PCNX2: variants seen among roughly 807,000 people sequenced by gnomAD.
The protein encoded by PCNX2 is pecanex 2.
A neutral mutation model predicts 223.8 loss-of-function variants in PCNX2; 168 were observed. The ratio of observed to expected loss-of-function variants is 0.75; its 90% CI spans 0.66 to 0.85. The LOEUF is 0.85. PCNX2 is among the 40% of genes least tolerant of loss of function. The pLI, the probability that PCNX2 is intolerant of heterozygous loss-of-function variation, is 0.00. For missense variants in PCNX2, 2,507 were observed against 2,675.5 expected, an observed-to-expected ratio of 0.94 and a Z score of 1.39; for synonymous variants, 1,006 against 1,052.6, an observed-to-expected ratio of 0.96 and a Z score of 0.86.
rs562669315 is a variant in PCNX2, at chr1:233,086,585, G to A, written c.4076+3476C>T. Among the ~76,000 whole-genome samples, 24 of 152,108 alleles carry A rather than the reference G, an allele frequency of 1.6e-4. No homozygotes were observed. In the South Asian group the frequency reaches 4.8e-3, roughly 30 times the overall value. On this transcript the variant is annotated intron_variant, in intron 23 of 33. Coordinates refer to ENST00000258229, the MANE Select transcript of PCNX2 (RefSeq NM_014801.4). ...ACTCGGGAGGCTGAGGCAGGAGAAT[G>A]GCGTGAACCTGGGAGGCGGAGCTTG...
At chr1:233,287,849 G>T (rs1250021217) in intron 1 of PCNX2, among the ~76,000 whole-genome samples, 27 of 152,082 alleles carry the variant, frequency 1.8e-4, no homozygotes, top group Non-Finnish European at 4.0e-4. Flanking sequence ...CTGTAAAATG[G>T]GAATAATGAT....
chr1:233,253,987 G>C lies in PCNX2; in HGVS notation c.1835-1199C>G, dbSNP rs1373577616. Among the ~76,000 whole-genome samples, 4 of 152,150 alleles carry C rather than the reference G, an allele frequency of 2.6e-5. No individual in the cohort carries two copies. The highest frequency in any genetic ancestry group is 5.9e-5 in the Non-Finnish European group (4 of 68,034). ...CTTAAGCTCAACAGCCTGTGCCTGA[G>C]AGAACAGAATTGAGCCTGAACCTAC... On this transcript the variant is annotated intron_variant, in intron 5 of 33. Transcript: ENST00000258229. This position sits in a 1 kb window ranked among gnomAD's most constrained non-coding sequence, Gnocchi z 4.2.
chr1:233,097,937 T>C (rs1173199443), intron 21 of PCNX2, among the ~76,000 whole-genome samples: 1 of 152,162 alleles, frequency 6.6e-6, no homozygotes, highest in Non-Finnish European at 1.5e-5. Context: ...GGCAAAAGTC[T>C]TGAAAAGTGG....
In PCNX2 at chr1:233,000,584, C is replaced by A; in HGVS notation, c.5098-49G>T. ...GGGCTGGGCAAGGACCAGAGGAACT[C>A]ACCCCCAGGAAGCATGCAGATGGCA... On this transcript the variant is annotated intron_variant, in intron 29 of 33. Transcript: ENST00000258229. This position sits in a 1 kb window ranked among gnomAD's most constrained non-coding sequence, Gnocchi z 4.6. 6.7e-7 allele frequency: 1 copy of A among 1,494,148 alleles called. No individual in the cohort carries two copies. Among genetic ancestry groups the A allele is most frequent in the South Asian group, 1.2e-5 (1 of 82,952 alleles). 92.6% of individuals were successfully genotyped at this position (1,494,148 alleles called of 1,614,324 possible).
intron 23 of PCNX2, among the ~76,000 whole-genome samples, chr1:233,074,888 C>T (rs887844753): frequency 1.3e-5 from 2 of 152,088 alleles, no homozygotes; most frequent in Non-Finnish European, 2.9e-5. Flanking sequence ...GTATACCCCT[C>T]AGAATGGCTA....
intron 8 of PCNX2, among the ~76,000 whole-genome samples, chr1:233,247,435 GCAATGT>G (rs1659187958): frequency 6.6e-6 from 1 of 152,194 alleles, no homozygotes; most frequent in South Asian, 2.1e-4. Flanking sequence ...GTTACACATG[GCAATGT>G]GTCTTTCTTT....
At chr1:233,141,582 C>G (rs1242293933) in intron 19 of PCNX2, among the ~76,000 whole-genome samples, 1 of 152,168 alleles carries the variant, frequency 6.6e-6, no homozygotes. Context: ...AGGAGATTCA[C>G]TTGAACCCGG....
chr1:233,048,904 C>T (rs1405071686), intron 25 of PCNX2, among the ~76,000 whole-genome samples: 1 of 152,064 alleles, frequency 6.6e-6, no homozygotes, highest in East Asian at 1.9e-4. Context: ...ACTAGAATAT[C>T]TAGATGAAAT....
At chr1:233,078,291 A>G (rs1248713979) in intron 23 of PCNX2, among the ~76,000 whole-genome samples, 1 of 152,258 alleles carries the variant, frequency 6.6e-6, no homozygotes, top group East Asian at 1.9e-4. Flanking sequence ...AGACGTTTTA[A>G]TTAGAAATGC....
chr1:233,301,142 T>A, the PCNX2 span, among the ~76,000 whole-genome samples: 111 of 152,186 alleles, frequency 7.3e-4, no homozygotes, highest in African/African-American at 2.1e-3. Flanking sequence ...AAGCAACATA[T>A]CAAAAATTGA....
At chr1:233,076,518 G>C (rs1408034427) in intron 23 of PCNX2, among the ~76,000 whole-genome samples, 1 of 152,056 alleles carries the variant, frequency 6.6e-6, no homozygotes, top group Non-Finnish European at 1.5e-5. Context: ...CATTATACCC[G>C]GTGCAGTTTT....
chr1:233,251,194 C>T (rs952304501), intron 7 of PCNX2, among the ~76,000 whole-genome samples: 2 of 152,120 alleles, frequency 1.3e-5, no homozygotes, highest in Non-Finnish European at 2.9e-5. Flanking sequence ...TAGGATATAA[C>T]CAGATTTTTT....
At chr1:233,023,885 CT>C in intron 26 of PCNX2, among the ~76,000 whole-genome samples, 1 of 152,340 alleles carries the variant, frequency 6.6e-6, no homozygotes, top group East Asian at 1.9e-4. Flanking sequence ...ATCCTTCTGA[CT>C]TTCACAGCCT....
intron 15 of PCNX2, among the ~76,000 whole-genome samples, chr1:233,193,227 A>C (rs1195067218): frequency 6.6e-6 from 1 of 151,622 alleles, no homozygotes; most frequent in African/African-American, 2.4e-5. Context: ...CAGAACTCAA[A>C]GGAAAACTAT....
At chr1:233,051,602 A>G (rs904126191) in intron 25 of PCNX2, among the ~76,000 whole-genome samples, 2 of 152,206 alleles carry the variant, frequency 1.3e-5, no homozygotes, top group African/African-American at 4.8e-5. Context: ...GGAATAGAAA[A>G]CCAAATACCA....
chr1:233,116,885 A>T (rs1232771254), intron 21 of PCNX2, among the ~76,000 whole-genome samples: 1 of 152,156 alleles, frequency 6.6e-6, no homozygotes, highest in Non-Finnish European at 1.5e-5. Context: ...AATAAAATTA[A>T]GAAATCTCTA....
intron 8 of PCNX2, among the ~76,000 whole-genome samples, chr1:233,248,343 G>T (rs1188068710): frequency 1.3e-5 from 2 of 151,958 alleles, no homozygotes; most frequent in Non-Finnish European, 2.9e-5. Context: ...GTGCTTGCCT[G>T]GTCTTAGTGA....
At chr1:233,044,838 T>G (rs1294527242) in intron 25 of PCNX2, among the ~76,000 whole-genome samples, 1 of 152,038 alleles carries the variant, frequency 6.6e-6, no homozygotes, top group Non-Finnish European at 1.5e-5. Flanking sequence ...CCAGCTGCTT[T>G]TTGTATTTTT....
In PCNX2 at chr1:233,258,607, C is replaced by T. The variant is rs767513664; in HGVS notation, c.1255G>A (p.Gly419Ser). The T allele has an allele frequency of 1.6e-5, 26 of 1,613,796 alleles. No individual in the cohort carries two copies. Among genetic ancestry groups the T allele is most frequent in the East Asian group, 4.5e-5 (2 of 44,882 alleles). Residue 419 changes from glycine to serine, a missense_variant, in exon 5 of 34, where the codon GGT becomes AGT. Coordinates refer to ENST00000258229, the MANE Select transcript of PCNX2 (RefSeq NM_014801.4). Reference sequence around the variant, plus strand: ...GAGATCTGCTCGGCATTTGGAGAACCGGCCGCCCCTGGGTTAGTGGGCTCA... The same window carrying T: ...GAGATCTGCTCGGCATTTGGAGAACTGGCCGCCCCTGGGTTAGTGGGCTCA... ...DAEPTNPGAA[G>S]SPNAEQISIP...
Sources: gnomAD v4.1 joint callset for allele counts (sites outside exome capture counted in the v4.1 genomes callset) on GRCh38, gnomAD v4.1.1 for gene constraint, Gnocchi (gnomAD v3.1) non-coding constraint, MANE v1.5 for transcripts, NCBI Gene and HGNC (gene_info 2026-07-23, HGNC 2026-07-21) for gene names.